Variants in HS3ST4 observed in about 807,000 individuals in gnomAD.
The protein encoded by HS3ST4 is heparan sulfate glucosamine 3-O-sulfotransferase 4.
A neutral mutation model predicts 29.2 loss-of-function variants in HS3ST4; 17 were observed. The observed-to-expected ratio is 0.58, with a 90% CI of 0.40 to 0.87. The LOEUF (loss-of-function observed/expected upper bound fraction) is 0.87. Ranked by LOEUF, HS3ST4 falls within the 40% of genes least tolerant of loss-of-function variation. HS3ST4 has a pLI of 0.00. For missense variants in HS3ST4, 627 were observed against 634.5 expected, an observed-to-expected ratio of 0.99 and a Z score of 0.13; for synonymous variants, 314 against 285.7, an observed-to-expected ratio of 1.10 and a Z score of -1.00.
At chr16:26,050,296 G>GTC (rs1440827045) in intron 1 of HS3ST4, among the ~76,000 whole-genome samples, 1 of 151,254 alleles carries the variant, frequency 6.6e-6, no homozygotes, top group East Asian at 1.9e-4. Flanking sequence ...CTCTCTCTCT[G>GTC]TCTCTCTCTC....
At chr16:25,799,209 T>C (rs565169956) in intron 1 of HS3ST4, among the ~76,000 whole-genome samples, 1 of 152,306 alleles carries the variant, frequency 6.6e-6, no homozygotes, top group East Asian at 1.9e-4. Context: ...TTGTAAGTGA[T>C]TTCCATGCCA....
chr16:25,703,425 G>T (rs960719694), intron 1 of HS3ST4, among the ~76,000 whole-genome samples: 2 of 152,216 alleles, frequency 1.3e-5, no homozygotes, highest in Admixed American at 6.5e-5. Flanking sequence ...CGTGAGATAG[G>T]CACTGATATT....
chr16:26,084,618 T>A (rs886258786), intron 1 of HS3ST4, among the ~76,000 whole-genome samples: 2 of 152,166 alleles, frequency 1.3e-5, no homozygotes, highest in Non-Finnish European at 2.9e-5. Context: ...AAAAATTTTT[T>A]TTTTTTGAAA....
chr16:26,133,783 A>G (rs1422690749), intron 1 of HS3ST4, among the ~76,000 whole-genome samples: 1 of 152,216 alleles, frequency 6.6e-6, no homozygotes, highest in Non-Finnish European at 1.5e-5. Context: ...AGGAGAAGCT[A>G]GGGGATCTTT....
At chr16:25,852,536 C>T (rs970716219) in intron 1 of HS3ST4, among the ~76,000 whole-genome samples, 1 of 149,162 alleles carries the variant, frequency 6.7e-6, no homozygotes, top group Admixed American at 6.7e-5. Context: ...TTCATATGCA[C>T]ATTATTTCCC....
intron 1 of HS3ST4, among the ~76,000 whole-genome samples, chr16:25,921,704 G>T (rs1404462988): frequency 6.6e-6 from 1 of 151,600 alleles, no homozygotes; most frequent in East Asian, 1.9e-4. Flanking sequence ...CTTAGCCTTT[G>T]CTCTCACTAC....
chr16:25,820,777 A>G (rs193076198), intron 1 of HS3ST4, among the ~76,000 whole-genome samples: 293 of 151,626 alleles, frequency 1.9e-3, no homozygotes, highest in African/African-American at 6.8e-3. Context: ...GGCTATGTGG[A>G]CCAGGCTTAT....
At chr16:26,134,676 C>A (rs899946905) in intron 1 of HS3ST4, among the ~76,000 whole-genome samples, 3 of 152,106 alleles carry the variant, frequency 2.0e-5, no homozygotes, top group African/African-American at 7.2e-5. Context: ...TAATAAGGCT[C>A]GAAGATATAA....
At chr16:26,049,111 T>C (rs1898305087) in intron 1 of HS3ST4, among the ~76,000 whole-genome samples, 1 of 152,120 alleles carries the variant, frequency 6.6e-6, no homozygotes, top group Middle Eastern at 3.2e-3. Flanking sequence ...CTGCTTGTGA[T>C]ATTGACATAA....
chr16:25,972,502 T>G (rs1968907834), intron 1 of HS3ST4, among the ~76,000 whole-genome samples: 1 of 152,124 alleles, frequency 6.6e-6, no homozygotes, highest in Non-Finnish European at 1.5e-5. Flanking sequence ...GGACTAAGGG[T>G]CTCAGTTACT....
chr16:25,827,798 T>C (rs1967235677), intron 1 of HS3ST4, among the ~76,000 whole-genome samples: 1 of 152,164 alleles, frequency 6.6e-6, no homozygotes, highest in African/African-American at 2.4e-5. Context: ...GCCAGATTGA[T>C]TTGTGAATTT....
intron 1 of HS3ST4, among the ~76,000 whole-genome samples, chr16:25,718,117 C>T (rs1357281531): frequency 1.3e-5 from 2 of 152,144 alleles, no homozygotes; most frequent in Admixed American, 1.3e-4. Flanking sequence ...ACCATAAGGA[C>T]AGGAGCAGGG....
At chr16:25,706,935 C>G (rs1359284169) in intron 1 of HS3ST4, among the ~76,000 whole-genome samples, 1 of 152,148 alleles carries the variant, frequency 6.6e-6, no homozygotes, top group Non-Finnish European at 1.5e-5. Context: ...TGGGAAATTT[C>G]AGAAATAAAT....
At chr16:25,911,496 GTTTTTT>G (rs542274531) in intron 1 of HS3ST4, among the ~76,000 whole-genome samples, 6 of 82,012 alleles carry the variant, frequency 7.3e-5, no homozygotes, top group South Asian at 5.9e-4. Context: ...CCGTTGTGTG[GTTTTTT>G]TTTTTTTTTT....
At chr16:26,105,780 T>G (rs1483208646) in intron 1 of HS3ST4, among the ~76,000 whole-genome samples, 1 of 152,238 alleles carries the variant, frequency 6.6e-6, no homozygotes, top group African/African-American at 2.4e-5. Context: ...CTTTCTTACT[T>G]CTGCATCCCT....
chr16:25,919,216 A>G (rs1007863283), intron 1 of HS3ST4, among the ~76,000 whole-genome samples: 15 of 151,968 alleles, frequency 9.9e-5, no homozygotes, highest in African/African-American at 3.6e-4. Flanking sequence ...TTTTTTGTAG[A>G]GGCAAGGTCT....
chr16:25,831,299 A>G (rs981980779), intron 1 of HS3ST4, among the ~76,000 whole-genome samples: 1 of 152,014 alleles, frequency 6.6e-6, no homozygotes, highest in African/African-American at 2.4e-5. Context: ...ATGGTAGATC[A>G]CACCTGTAAT....
chr16:26,121,532 C>G (rs1189937451), intron 1 of HS3ST4, among the ~76,000 whole-genome samples: 1 of 152,138 alleles, frequency 6.6e-6, no homozygotes, highest in African/African-American at 2.4e-5. Context: ...TAAGACTCAG[C>G]GAGAGCAAAC....
intron 1 of HS3ST4, among the ~76,000 whole-genome samples, chr16:25,871,361 A>G (rs2141659398): frequency 6.6e-6 from 1 of 152,356 alleles, no homozygotes; most frequent in East Asian, 1.9e-4. Context: ...TCTGAGAGGC[A>G]TATTTTTGTG....
Sources: gnomAD v4.1 joint callset for allele counts (sites outside exome capture counted in the v4.1 genomes callset) on GRCh38, gnomAD v4.1.1 for gene constraint, MANE v1.5 for transcripts, NCBI Gene and HGNC (gene_info 2026-07-23, HGNC 2026-07-21) for gene names.